The following ATXN1 variants were observed in gnomAD, a reference collection of about 807,000 sequenced individuals.
ATXN1 encodes ataxin 1.
Under a neutral mutation model 56.4 loss-of-function variants are expected in ATXN1, and 8 were observed. The ratio of observed to expected loss-of-function variants is 0.14; its 90% confidence interval spans 0.08 to 0.26. The LOEUF is 0.26. ATXN1 is among the 10% of genes least tolerant of loss of function. The pLI is 1.00. For synonymous variants in ATXN1, 514 were observed against 494.6 expected, an observed-to-expected ratio of 1.04 and a Z score of -0.52; for missense variants, 987 against 1,106.5, an observed-to-expected ratio of 0.89 and a Z score of 1.53.
intron 4 of ATXN1, among the ~76,000 whole-genome samples, chr6:16,584,394 G>C (rs1357396017): frequency 6.7e-6 from 1 of 149,954 alleles, no homozygotes. Context: ...ATACCTTTTT[G>C]CTCTTTTTAA....
At chr6:16,313,809 G>C (rs532961705) in intron 7 of ATXN1, among the ~76,000 whole-genome samples, 1 of 152,072 alleles carries the variant, frequency 6.6e-6, no homozygotes, top group Non-Finnish European at 1.5e-5. Context: ...CGATCTGCCC[G>C]CCACAGCCTC....
At chr6:16,455,655 A>G (rs1561902664) in intron 6 of ATXN1, among the ~76,000 whole-genome samples, 2 of 152,220 alleles carry the variant, frequency 1.3e-5, no homozygotes, top group Non-Finnish European at 2.9e-5. Context: ...GTGAATGGGT[A>G]CATGAACTGT....
At chr6:16,429,343 G>T (rs1334078650) in intron 6 of ATXN1, among the ~76,000 whole-genome samples, 2 of 148,336 alleles carry the variant, frequency 1.3e-5, no homozygotes, top group Non-Finnish European at 3.0e-5. Context: ...TTTGACAGTG[G>T]GTGATAACAG....
rs1554138066 is a variant in ATXN1 at position 16,327,687 on chromosome 6, C to CTGCTGA, written c.623_624insTCAGCA (p.Gln207_Gln208insHisGln). The CTGCTGA allele has an allele frequency of 8.6e-5, 106 of 1,230,796 alleles. No individual in the cohort carries two copies. The East Asian group carries it at 1.0e-3, about 12-fold the overall frequency. The allele number at this position is 1,230,796 out of a possible 1,614,324, so 76.2% of individuals were successfully genotyped here. ...GCTGCTGCTGCTGCTGATGCTGATG[C>CTGCTGA]TGCTGCTGCTGCTGCTGCTGCTGCT... On this transcript the variant is annotated inframe_insertion, in exon 7 of 8. Coordinates refer to ENST00000436367, the MANE Select transcript of ATXN1 (RefSeq NM_001128164.2).
chr6:16,540,286 A>T (rs1307164200), intron 4 of ATXN1, among the ~76,000 whole-genome samples: 1 of 149,926 alleles, frequency 6.7e-6, no homozygotes, highest in Non-Finnish European at 1.5e-5. Flanking sequence ...ATCTCGGCTC[A>T]ATGCAACCTC....
At chr6:16,526,566 AC>A (rs539291144) in intron 4 of ATXN1, among the ~76,000 whole-genome samples, 121 of 152,224 alleles carry the variant, frequency 7.9e-4, no homozygotes, top group African/African-American at 2.6e-3. Flanking sequence ...GGAGGTCAAG[AC>A]CAGCCTGGCC....
rs543650014 is a variant in ATXN1, at chr6:16,621,818, A to G, written c.-488-35911T>C. Among the ~76,000 whole-genome samples the G allele has an allele frequency of 2.0e-5, 3 of 152,352 alleles. No homozygotes were observed. In the South Asian group the frequency reaches 6.2e-4, roughly 32 times the overall value. On this transcript the variant is annotated intron_variant, in intron 3 of 7. Transcript: ENST00000436367. ...AAATAAAAAGTCACTGAGAACTAGC[A>G]GCAGATGATAGGCAGAAAAGTGGAG...
intron 4 of ATXN1, among the ~76,000 whole-genome samples, chr6:16,534,002 T>C (rs961393465): frequency 1.3e-5 from 2 of 152,026 alleles, no homozygotes; most frequent in Non-Finnish European, 2.9e-5. Flanking sequence ...GAAAATGATA[T>C]CGTTTTTTCC....
intron 2 of ATXN1, among the ~76,000 whole-genome samples, chr6:16,744,862 G>A (rs377557837): frequency 5.5e-4 from 83 of 152,264 alleles, no homozygotes; most frequent in Admixed American, 1.4e-3. Context: ...AACTTGAACC[G>A]TTGTACAACA....
chr6:16,572,046 G>T (rs140274213), intron 4 of ATXN1, among the ~76,000 whole-genome samples: 1 of 152,094 alleles, frequency 6.6e-6, no homozygotes, highest in Admixed American at 6.5e-5. Context: ...TGCCATGGCC[G>T]GTTCCTATTC....
intron 4 of ATXN1, among the ~76,000 whole-genome samples, chr6:16,567,958 T>C (rs1429452605): frequency 6.6e-6 from 1 of 152,062 alleles, no homozygotes; most frequent in Non-Finnish European, 1.5e-5. Context: ...ATGTGTTAGA[T>C]TTTCCCCTTA....
chr6:16,494,085 CATCTCCAGTGCAGGGCTGGACTGAG>C (rs1760725169), intron 5 of ATXN1, among the ~76,000 whole-genome samples: 1 of 10,550 alleles, frequency 9.5e-5, no homozygotes, highest in Non-Finnish European at 1.5e-4. Context: ...CATGGAGAGG[CATCTCCAGTGCAGGGCTGGACTGAG>C]AGGCATCTCC....
chr6:16,672,412 A>G (rs1353454994), intron 2 of ATXN1, among the ~76,000 whole-genome samples: 1 of 152,214 alleles, frequency 6.6e-6, no homozygotes, highest in Non-Finnish European at 1.5e-5. Flanking sequence ...ATGTGGCTCT[A>G]GTAAATGCCT....
At chr6:16,640,411 C>T (rs1171532565) in intron 3 of ATXN1, among the ~76,000 whole-genome samples, 2 of 152,130 alleles carry the variant, frequency 1.3e-5, no homozygotes, top group Admixed American at 6.6e-5. Context: ...TGGCCAGGCA[C>T]GGGGGCTCAC....
intron 2 of ATXN1, among the ~76,000 whole-genome samples, chr6:16,726,625 G>A (rs1581397301): frequency 1.3e-5 from 2 of 152,120 alleles, no homozygotes; most frequent in Middle Eastern, 3.4e-3. Context: ...AGCACTTTGG[G>A]AGGCCGAGGC....
Position 16,447,835 on chromosome 6 carries a change from C to T in ATXN1, c.-161+38137G>A, listed in dbSNP as rs769995127. ...TTAAAAGCCCCAAAGATTCTACCAA[C>T]GGGCTTCAGAGCATCTGCGTTTTAT... On this transcript the variant is annotated intron_variant, in intron 6 of 7. Transcript: ENST00000436367. Among the ~76,000 whole-genome samples, 70 of 152,270 alleles carry T rather than the reference C, an allele frequency of 4.6e-4. 1 individual carries two copies. The Middle Eastern group carries it at 0.02, about 44-fold the overall frequency.
chr6:16,705,397 T>C (rs529316661), intron 2 of ATXN1, among the ~76,000 whole-genome samples: 22 of 152,292 alleles, frequency 1.4e-4, no homozygotes, highest in African/African-American at 5.3e-4. Context: ...ATTCTTTCCC[T>C]GATCCAGTAA....
intron 5 of ATXN1, among the ~76,000 whole-genome samples, chr6:16,498,685 C>G (rs1760822946): frequency 6.6e-6 from 1 of 152,180 alleles, no homozygotes; most frequent in South Asian, 2.1e-4. Flanking sequence ...TTATGGCCAT[C>G]ATAATGGGTG....
At chr6:16,588,811 G>A (rs2113768274) in intron 3 of ATXN1, among the ~76,000 whole-genome samples, 1 of 149,478 alleles carries the variant, frequency 6.7e-6, no homozygotes, top group Middle Eastern at 3.4e-3. Context: ...AGGGAGGGAG[G>A]AAGGTAGGAA....
Sources: allele counts gnomAD v4.1 joint callset (sites outside exome capture counted in the v4.1 genomes callset), GRCh38; gene constraint gnomAD v4.1.1; transcripts MANE v1.5; gene names NCBI Gene and HGNC (gene_info 2026-07-23, HGNC 2026-07-21).